The following PCDHA8 variants were observed in gnomAD, a reference collection of about 807,000 sequenced individuals.
The protein encoded by PCDHA8 is protocadherin alpha 8.
PCDHA8 carries 53 observed loss-of-function variants against 61.8 expected under a neutral mutation model. The observed-to-expected ratio is 0.86, with a 90% CI of 0.69 to 1.08. The LOEUF (loss-of-function observed/expected upper bound fraction) is 1.08, where lower values mean the gene tolerates loss of function less well. PCDHA8 is among the 50% of genes least tolerant of loss of function. The pLI is 0.00. For missense variants in PCDHA8, 1,293 were observed against 1,245.0 expected (o/e 1.04, Z -0.58); for synonymous variants, 618 against 556.6 (o/e 1.11, Z -1.55).
chr5:140,842,048 G>C lies in PCDHA8; in HGVS notation c.727G>C (p.Glu243Gln), dbSNP rs2150328015. ...LDVNDNAPTF[E>Q]QSEYEVRIFE... ...TGTGAATGATAATGCTCCCACTTTC[G>C]AACAGTCTGAATACGAAGTAAGAAT... The change falls in exon 1 of 4, where the codon GAA becomes CAA. Residue 243 changes from glutamate to glutamine, a missense_variant. Physicochemically the swap from Glu to Gln is conservative, Grantham distance 29. Coordinates refer to ENST00000531613, the MANE Select transcript of PCDHA8 (RefSeq NM_018911.3). The C allele has an allele frequency of 2.4e-5, 39 of 1,613,798 alleles. 2 individuals carry two copies. The East Asian group carries it at 8.2e-4, about 34-fold the overall frequency.
At chr5:140,922,144 A>C (rs906517842) in intron 1 of PCDHA8, among the ~76,000 whole-genome samples, 5 of 151,922 alleles carry the variant, frequency 3.3e-5, no homozygotes, top group African/African-American at 1.2e-4. Flanking sequence ...TCCTCCATGA[A>C]ACTCATCAAA....
At chr5:140,895,235 C>T (rs1554186440) in intron 1 of PCDHA8, among the ~76,000 whole-genome samples, 2 of 152,236 alleles carry the variant, frequency 1.3e-5, no homozygotes, top group East Asian at 1.9e-4. Context: ...GTTTTCTCAT[C>T]TCTCTTTTCA....
At position 140,857,834 on chromosome 5, in the gene PCDHA8, G is replaced by A; in HGVS notation, c.2394+14119G>A. 1.9e-6 allele frequency: 3 copies of A among 1,597,844 alleles called. 1 individual carries two copies. The highest frequency in any genetic ancestry group is 1.7e-6 in the Non-Finnish European group (2 of 1,167,630). The stretch of plus-strand genomic sequence containing the variant: ...TCACGTGGTGGCTAAGGTGCGCGCA[G>A]TGGACGCTGACTCTGGATACAACGC... On this transcript the variant is annotated intron_variant, in intron 1 of 3. Transcript: ENST00000531613.
chr5:140,882,566 G>A, intron 1 of PCDHA8: 1 of 1,614,252 alleles, frequency 6.2e-7, no homozygotes, highest in Non-Finnish European at 8.5e-7. Context: ...TGGGCGGAGC[G>A]CGGAGTGCAG....
intron 1 of PCDHA8, among the ~76,000 whole-genome samples, chr5:140,960,767 G>A (rs1160174091): frequency 1.3e-5 from 2 of 152,036 alleles, no homozygotes; most frequent in Admixed American, 6.6e-5. Context: ...GAGTTACAGA[G>A]GAGAAATAGG....
chr5:140,940,988 T>G (rs2092713422), intron 1 of PCDHA8, among the ~76,000 whole-genome samples: 1 of 152,206 alleles, frequency 6.6e-6, no homozygotes, highest in African/African-American at 2.4e-5. Flanking sequence ...AGTTACAAGT[T>G]TATAGGATTA....
At chr5:140,885,291 G>A (rs1554182107) in intron 1 of PCDHA8, among the ~76,000 whole-genome samples, 6 of 152,132 alleles carry the variant, frequency 3.9e-5, no homozygotes, top group Non-Finnish European at 8.8e-5. Context: ...TATATAGAGA[G>A]AGACCTGGTA....
At chr5:140,860,143 GTA>G (rs1352808505) in intron 1 of PCDHA8, 2 of 148,758 alleles carry the variant, frequency 1.3e-5, no homozygotes, top group Non-Finnish European at 3.0e-5. Flanking sequence ...GTATATATAT[GTA>G]TATATGTGTA....
chr5:140,843,125 G>A lies in PCDHA8; in HGVS notation c.1804G>A (p.Gly602Ser), dbSNP rs2150353393. Reference protein sequence around the residue: ...AKVRAVDADSGYNAWLSYELQ... With the variant: ...AKVRAVDADSSYNAWLSYELQ... The stretch of plus-strand genomic sequence containing the variant: ...GGTGCGCGCAGTGGACGCCGACTCG[G>A]GCTACAACGCGTGGCTTTCGTATGA... Residue 602 changes from glycine (G) to serine (S), a missense_variant, in exon 1 of 4, where the codon GGC becomes AGC. By Grantham distance (56) the Gly-to-Ser change is moderately conservative (BLOSUM62 0). Transcript: ENST00000531613. 2 of 1,595,922 alleles carry A rather than the reference G, an allele frequency of 1.3e-6. No homozygotes were observed. The highest frequency in any genetic ancestry group is 2.2e-5 in the East Asian group (1 of 44,804).
chr5:140,877,266 C>T, intron 1 of PCDHA8: 1 of 1,613,808 alleles, frequency 6.2e-7, no homozygotes, highest in Non-Finnish European at 8.5e-7. Flanking sequence ...GCGCGGTGGA[C>T]GCTGACTCCG....
chr5:140,994,017 T>C (rs2153920554), intron 3 of PCDHA8, among the ~76,000 whole-genome samples: 1 of 152,336 alleles, frequency 6.6e-6, no homozygotes, highest in South Asian at 2.1e-4. Flanking sequence ...TTCTAGGTGA[T>C]GCAGATATAA....
intron 1 of PCDHA8, among the ~76,000 whole-genome samples, chr5:140,899,732 T>C (rs1174883648): frequency 6.6e-6 from 1 of 152,222 alleles, no homozygotes; most frequent in Non-Finnish European, 1.5e-5. Context: ...TTTCTATTGA[T>C]TGGAATAGTT....
chr5:140,841,385 G>C lies in PCDHA8; in HGVS notation c.64G>C (p.Ala22Pro). 1.2e-6 allele frequency: 2 copies of C among 1,613,440 alleles called. No individual in the cohort carries two copies. The highest frequency in any genetic ancestry group is 1.7e-6 in the Non-Finnish European group (2 of 1,179,834). Residue 22 changes from alanine to proline, a missense_variant, in exon 1 of 4, where the codon GCA (alanine) becomes CCA (proline). Transcript: ENST00000531613. Reference protein sequence around the residue: ...WRLLLLLLLLAAWKVGSGQLH... With the variant: ...WRLLLLLLLLPAWKVGSGQLH... ...ACTACTACTCTTGCTTCTGCTCCTC[G>C]CAGCCTGGAAGGTGGGGAGCGGCCA... is the stretch of plus-strand genomic sequence containing the variant.
At chr5:140,865,692 T>C (rs2048967146) in intron 1 of PCDHA8, 1 of 152,212 alleles carries the variant, frequency 6.6e-6, no homozygotes, top group Non-Finnish European at 1.5e-5. Context: ...ATATGACTGT[T>C]CCAATTTGAA....
chr5:140,981,670 C>T (rs1389601276), intron 2 of PCDHA8, among the ~76,000 whole-genome samples: 8 of 152,070 alleles, frequency 5.3e-5, no homozygotes, highest in Non-Finnish European at 1.0e-4. Context: ...TCCTTCCTTT[C>T]TTCCTTCCTC....
chr5:140,872,320 A>G (rs1409087290), intron 1 of PCDHA8, among the ~76,000 whole-genome samples: 1 of 152,166 alleles, frequency 6.6e-6, no homozygotes, highest in Admixed American at 6.5e-5. Context: ...TATGGAAATA[A>G]TATGACTAAA....
chr5:140,858,041 C>A (rs1446194845), intron 1 of PCDHA8: 1 of 1,596,846 alleles, frequency 6.3e-7, no homozygotes, highest in East Asian at 2.2e-5. Context: ...GGCCACTGTG[C>A]TTGTGTCGCT....
chr5:140,878,420 A>G (rs2057587520), intron 1 of PCDHA8, among the ~76,000 whole-genome samples: 1 of 152,236 alleles, frequency 6.6e-6, no homozygotes, highest in African/African-American at 2.4e-5. Flanking sequence ...TATTTCAAGT[A>G]GGAATAGATA....
At chr5:140,920,411 T>G (rs533328116) in intron 1 of PCDHA8, among the ~76,000 whole-genome samples, 39 of 152,352 alleles carry the variant, frequency 2.6e-4, no homozygotes, top group Middle Eastern at 3.4e-3. Flanking sequence ...TTTAATCAGA[T>G]ACAGCTGTTC....
Sources: gnomAD v4.1 joint callset for allele counts (sites outside exome capture counted in the v4.1 genomes callset) on GRCh38, gnomAD v4.1.1 for gene constraint, MANE v1.5 for transcripts, NCBI Gene and HGNC (gene_info 2026-07-23, HGNC 2026-07-21) for gene names.